TTBK2: variants seen among roughly 807,000 people sequenced by gnomAD.
TTBK2 encodes the protein tau-tubulin kinase 2.
Under a neutral mutation model 110.8 loss-of-function variants are expected in TTBK2, and 28 were observed. That is an observed-to-expected ratio of 0.25 (90% CI 0.19 to 0.35). The LOEUF (loss-of-function observed/expected upper bound fraction) is 0.35, where lower values mean the gene tolerates loss of function less well. TTBK2 is among the 10% of genes least tolerant of loss of function. TTBK2 has a pLI of 1.00. For synonymous variants in TTBK2, 532 were observed against 527.3 expected (o/e 1.01, Z -0.12); for missense variants, 1,369 against 1,500.3 (o/e 0.91, Z 1.45).
intron 3 of TTBK2, 171 bp from the exon 4 acceptor site, chr15:42,840,604 A>G (rs1670834265): frequency 1.4e-6 from 1 of 721,864 alleles, no homozygotes. Flanking sequence ...TTCTCCTCCC[A>G]GGCACTGTAC....
chr15:42,763,084 TTATATA>T (rs373174591), intron 13 of TTBK2, among the ~76,000 whole-genome samples: 17 of 108,792 alleles, frequency 1.6e-4, no homozygotes, highest in Admixed American at 1.3e-3. Context: ...GTTAACAATT[TTATATA>T]TATATATATA....
chr15:42,749,263 G>T (rs1170965773), intron 14 of TTBK2, among the ~76,000 whole-genome samples: 2 of 152,248 alleles, frequency 1.3e-5, no homozygotes, highest in African/African-American at 4.8e-5. Flanking sequence ...ATTCTGGGAA[G>T]ACAGTAGAGT....
Position 42,746,200 on chromosome 15 carries a change from G to A in TTBK2, c.3330C>T (p.Arg1110=). Residue 1110 remains arginine (R), a synonymous_variant, in exon 15 of 15, where the codon CGC becomes CGT. Transcript: ENST00000267890. ...SSNSDSDLFS[R]LAQILQNGSQ... ...ATCCATTTTGAAGAATTTGGGCCAG[G>A]CGGGAGAAAAGGTCTGAGTCGGAGT... 6.2e-7 allele frequency: 1 copy of A among 1,614,144 alleles called. No individual in the cohort carries two copies. The highest frequency in any genetic ancestry group is 1.3e-5 in the African/African-American group (1 of 75,028).
At chr15:42,750,692 T>C (rs1248375515) in intron 14 of TTBK2, among the ~76,000 whole-genome samples, 1 of 151,024 alleles carries the variant, frequency 6.6e-6, no homozygotes, top group East Asian at 1.9e-4. Flanking sequence ...GAGAGAATAC[T>C]TAAAAAAAAG....
chr15:42,801,454 C>T, intron 9 of TTBK2: 1 of 831,168 alleles, frequency 1.2e-6, no homozygotes, highest in Non-Finnish European at 2.1e-6. Flanking sequence ...GACCCTCAGT[C>T]TCAGCTTGGA....
At chr15:42,852,615 G>C (rs568705247) in intron 3 of TTBK2, among the ~76,000 whole-genome samples, 1 of 152,266 alleles carries the variant, frequency 6.6e-6, no homozygotes, top group South Asian at 2.1e-4. Context: ...CAAGGAAATA[G>C]ACCTCTGCTC....
chr15:42,878,262 G>A (rs966760837), intron 2 of TTBK2, among the ~76,000 whole-genome samples: 24 of 151,734 alleles, frequency 1.6e-4, no homozygotes, highest in Non-Finnish European at 2.1e-4. Context: ...GATTATAGGC[G>A]AGAGCCACTG....
At chr15:42,885,743 A>C (rs1895217533) in intron 1 of TTBK2, among the ~76,000 whole-genome samples, 1 of 150,564 alleles carries the variant, frequency 6.6e-6, no homozygotes, top group Non-Finnish European at 1.5e-5. Flanking sequence ...CCATGTCTCT[A>C]CCCTTCTCTT....
intron 13 of TTBK2, among the ~76,000 whole-genome samples, chr15:42,753,978 C>T (rs1338629259): frequency 6.6e-6 from 1 of 151,978 alleles, no homozygotes; most frequent in Admixed American, 6.6e-5. Flanking sequence ...AATTTGCATG[C>T]ATTTTGTTGT....
At chr15:42,790,731 AC>A (rs372786590) in intron 10 of TTBK2, among the ~76,000 whole-genome samples, 6 of 151,880 alleles carry the variant, frequency 4.0e-5, no homozygotes, top group African/African-American at 1.5e-4. Flanking sequence ...ACGGAGTCTC[AC>A]GTTGTTGCCC....
intron 3 of TTBK2, among the ~76,000 whole-genome samples, chr15:42,869,966 CTG>C (rs1894548709): frequency 6.6e-6 from 1 of 151,980 alleles, no homozygotes; most frequent in East Asian, 1.9e-4. Context: ...AGTCTGAAGT[CTG>C]GAGTTACTCG....
Position 42,775,676 on chromosome 15 carries a change from A to G in TTBK2, c.1457T>C (p.Leu486Pro). 1 of 1,613,352 alleles carries G rather than the reference A, an allele frequency of 6.2e-7. No individual in the cohort carries two copies. The highest frequency in any genetic ancestry group is 1.3e-5 in the African/African-American group (1 of 75,018). Residue 486 changes from leucine to proline, a missense_variant, in exon 13 of 15, where the codon CTC (leucine) becomes CCC (proline). Physicochemically the swap from Leu to Pro is moderately conservative, Grantham distance 98. Coordinates refer to ENST00000267890, the MANE Select transcript of TTBK2 (RefSeq NM_173500.4). Reference protein sequence around the residue: ...KDTSAGKESILPALLHKPCVP... With the variant: ...KDTSAGKESIPPALLHKPCVP... ...GCAAGGCTTATGCAGCAGAGCAGGG[A>G]GAATAGATTCTTTTCCTGCACTGGT... is the stretch of plus-strand genomic sequence containing the variant.
At chr15:42,760,399 A>C (rs925897181) in intron 13 of TTBK2, among the ~76,000 whole-genome samples, 9 of 144,856 alleles carry the variant, frequency 6.2e-5, no homozygotes, top group East Asian at 2.0e-4. Flanking sequence ...AAAAAAAAAA[A>C]AAAACAAAAA....
intron 1 of TTBK2, among the ~76,000 whole-genome samples, chr15:42,902,242 C>T (rs1253280897): frequency 2.0e-5 from 3 of 151,494 alleles, no homozygotes; most frequent in African/African-American, 4.8e-5. Flanking sequence ...CAACCACCGC[C>T]AGGCGCGGTT....
intron 13 of TTBK2, among the ~76,000 whole-genome samples, chr15:42,761,851 G>A (rs1421894007): frequency 1.3e-5 from 2 of 152,214 alleles, no homozygotes; most frequent in East Asian, 1.9e-4. Flanking sequence ...GTTTGTGGGT[G>A]TAACGGTTTG....
At chr15:42,748,517 A>T (rs1323258543) in intron 14 of TTBK2, among the ~76,000 whole-genome samples, 1 of 152,054 alleles carries the variant, frequency 6.6e-6, no homozygotes, top group Non-Finnish European at 1.5e-5. Context: ...ACAACAACTC[A>T]TAGAAGGATC....
rs1172021958 is a variant in TTBK2 at position 42,741,799 on chromosome 15, C to G, written c.*3996G>C. The G allele has an allele frequency of 2.0e-5, 3 of 152,048 alleles. No homozygotes were observed. Among genetic ancestry groups the G allele is most frequent in the Non-Finnish European group, 4.4e-5 (3 of 68,018 alleles). 9.4% of individuals were successfully genotyped at this position (152,048 alleles called of 1,614,324 possible). A position where few individuals can be genotyped will look rare whatever the true frequency, so the allele number is the denominator to read the frequency against. The stretch of plus-strand genomic sequence containing the variant: ...GGAAAATGCATTTTTTTCACCGAGT[C>G]TCACTAAATCATTCTGAATTCTGGA... On this transcript the variant is annotated 3_prime_UTR_variant, in exon 15 of 15. Transcript: ENST00000267890.
chr15:42,882,622 AATAAC>A (rs1895091974), intron 1 of TTBK2, among the ~76,000 whole-genome samples: 4 of 151,944 alleles, frequency 2.6e-5, no homozygotes, highest in Non-Finnish European at 5.9e-5. Flanking sequence ...TCAAAATAAT[AATAAC>A]AATAATAATG....
intron 3 of TTBK2, among the ~76,000 whole-genome samples, chr15:42,864,374 C>T (rs1033238556): frequency 2.0e-5 from 3 of 152,268 alleles, no homozygotes; most frequent in Admixed American, 1.3e-4. Flanking sequence ...CACCTGAAGT[C>T]AGGAGTTCAA....
Sources: allele counts gnomAD v4.1 joint callset (sites outside exome capture counted in the v4.1 genomes callset), GRCh38; gene constraint gnomAD v4.1.1; transcripts MANE v1.5; gene names NCBI Gene and HGNC (gene_info 2026-07-23, HGNC 2026-07-21).